The following DDX60 variants were observed in gnomAD, a reference collection of about 807,000 sequenced individuals.
DDX60 encodes DExD/H-box helicase 60.
A neutral mutation model predicts 212.8 loss-of-function variants in DDX60; 165 were observed. The ratio of observed to expected loss-of-function variants is 0.78; its 90% confidence interval spans 0.68 to 0.88. The LOEUF (loss-of-function observed/expected upper bound fraction) is 0.88. Among genes scored for constraint, DDX60 ranks in the 40% least tolerant of loss-of-function variants. DDX60 has a pLI of 0.00. For missense variants in DDX60, 1,905 were observed against 2,003.9 expected (o/e 0.95, Z 0.94); for synonymous variants, 703 against 685.3 (o/e 1.03, Z -0.40).
chr4:168,297,360 AAG>A (rs775019522), intron 6 of DDX60, among the ~76,000 whole-genome samples: 3 of 69,086 alleles, frequency 4.3e-5, no homozygotes, highest in African/African-American at 1.9e-4. Context: ...GAAAGAAAGA[AAG>A]AAAGAAAGAA....
intron 34 of DDX60, 141 bp from the exon 35 acceptor site, chr4:168,224,526 G>T: frequency 2.6e-6 from 2 of 757,900 alleles, no homozygotes; most frequent in Non-Finnish European, 2.1e-6. Flanking sequence ...AAGTTATATC[G>T]CATAAGGTTA....
At chr4:168,292,049 C>CTTTTTT in intron 7 of DDX60, 143 bp from the exon 8 acceptor site, 1 of 302,358 alleles carries the variant, frequency 3.3e-6, no homozygotes, top group Non-Finnish European at 5.6e-6. Context: ...TTCTTTCTTT[C>CTTTTTT]TTTTTTTTTT....
rs1404485495 is a variant in DDX60 at position 168,216,673 on chromosome 4, C to T, written c.*260G>A. ...ATTTTTTTAGTCAATCCTCAAACTA[C>T]CTGAGATGTAACCATTATTACTCAG... On this transcript the variant is annotated 3_prime_UTR_variant, in exon 38 of 38. Transcript: ENST00000393743. The T allele has an allele frequency of 7.5e-6, 2 of 268,442 alleles. No individual in the cohort carries two copies. Among genetic ancestry groups the T allele is most frequent in the Non-Finnish European group, 1.4e-5 (2 of 144,790 alleles). The allele number at this position is 268,442 out of a possible 1,614,324, so 16.6% of individuals were successfully genotyped here. A position where few individuals can be genotyped will look rare whatever the true frequency, so the allele number is the denominator to read the frequency against.
At position 168,280,485 on chromosome 4, in the gene DDX60, C is replaced by T; in HGVS notation, c.1828G>A (p.Glu610Lys). The change falls in exon 14 of 38, where the codon GAG becomes AAG. Residue 610 changes from glutamate to lysine, a missense_variant. Coordinates refer to ENST00000393743, the MANE Select transcript of DDX60 (RefSeq NM_017631.6). ...GAGTGTAAATTTTCTTTCAATTGCT[C>T]TTCAATAGAAAATGACAAAGCATTC... ...KWNALSFSIE[E>K]QLKENLHSGI... 6.2e-7 allele frequency: 1 copy of T among 1,614,124 alleles called. No homozygotes were observed. The highest frequency in any genetic ancestry group is 1.1e-5 in the South Asian group (1 of 91,082).
chr4:168,304,631 G>A (rs544732290), intron 5 of DDX60, among the ~76,000 whole-genome samples: 199 of 152,216 alleles, frequency 1.3e-3, no homozygotes, highest in Non-Finnish European at 2.5e-3. Flanking sequence ...AGCCCGAGAC[G>A]TGGAAGCTGC....
At chr4:168,242,274 C>T (rs953558240) in intron 30 of DDX60, among the ~76,000 whole-genome samples, 1 of 152,194 alleles carries the variant, frequency 6.6e-6, no homozygotes, top group African/African-American at 2.4e-5. Flanking sequence ...AGAGTCCCTC[C>T]TGGGGCACTG....
At chr4:168,268,357 T>A (rs1734940892) in intron 20 of DDX60, among the ~76,000 whole-genome samples, 1 of 152,174 alleles carries the variant, frequency 6.6e-6, no homozygotes, top group South Asian at 2.1e-4. Flanking sequence ...TATTATAGGA[T>A]TGTTATTAGT....
chr4:168,238,235 C>CA (rs1560819130), intron 30 of DDX60, among the ~76,000 whole-genome samples: 207 of 56,390 alleles, frequency 3.7e-3, no homozygotes, highest in African/African-American at 0.015. Context: ...CTATGAAATT[C>CA]CAAAAAAAAA....
chr4:168,315,266 G>C (rs1737314266), intron 1 of DDX60, among the ~76,000 whole-genome samples: 1 of 152,058 alleles, frequency 6.6e-6, no homozygotes, highest in Non-Finnish European at 1.5e-5. Flanking sequence ...CAACATTCCT[G>C]GATGTTTTGA....
chr4:168,242,634 C>T (rs1157639911), intron 30 of DDX60, among the ~76,000 whole-genome samples: 1 of 152,194 alleles, frequency 6.6e-6, no homozygotes. Context: ...TACCCAATGC[C>T]TGTACCCCCA....
intron 8 of DDX60, among the ~76,000 whole-genome samples, chr4:168,289,256 T>C (rs1204178203): frequency 6.6e-6 from 1 of 152,214 alleles, no homozygotes; most frequent in Non-Finnish European, 1.5e-5. Context: ...TTAAAACCAA[T>C]GTATTTTCAG....
chr4:168,297,351 A>G, intron 6 of DDX60, among the ~76,000 whole-genome samples: 1 of 85,724 alleles, frequency 1.2e-5, no homozygotes, highest in African/African-American at 8.2e-5. Flanking sequence ...AGAAAGAAAG[A>G]AAGAAAGAAA....
At chr4:168,239,982 A>C (rs780948788) in intron 30 of DDX60, among the ~76,000 whole-genome samples, 13 of 152,174 alleles carry the variant, frequency 8.5e-5, no homozygotes, top group Non-Finnish European at 1.8e-4. Context: ...CAGGGCAATC[A>C]GGCAAGAAAA....
At chr4:168,292,276 C>T (rs1036120123) in intron 7 of DDX60, among the ~76,000 whole-genome samples, 10 of 151,916 alleles carry the variant, frequency 6.6e-5, no homozygotes, top group African/African-American at 1.9e-4. Context: ...AACTCCTGAC[C>T]TCAGGTAACC....
chr4:168,236,397 T>G, intron 32 of DDX60, 24 bp from the exon 33 acceptor site: 1 of 1,566,944 alleles, frequency 6.4e-7, no homozygotes, highest in Non-Finnish European at 8.6e-7. Flanking sequence ...AGTGTCTTCT[T>G]GTAAATATGA....
At chr4:168,225,311 T>C (rs1733212744) in intron 34 of DDX60, among the ~76,000 whole-genome samples, 1 of 152,096 alleles carries the variant, frequency 6.6e-6, no homozygotes, top group Non-Finnish European at 1.5e-5. Flanking sequence ...TGAAGCAGCA[T>C]TTAACAAGAT....
At position 168,225,776 on chromosome 4, in the gene DDX60, A is replaced by G. The variant is rs574489467; in HGVS notation, c.4534-100T>C. On this transcript the variant is annotated intron_variant, in intron 33 of 37. Coordinates refer to ENST00000393743, the MANE Select transcript of DDX60 (RefSeq NM_017631.6). ...GTAAAGAACATTGCAATATAATTCT[A>G]TAGTTATCTATTAATATTTATTCAA... The G allele has an allele frequency of 4.8e-6, 5 of 1,032,148 alleles. No homozygotes were observed. In the Admixed American group the frequency reaches 1.2e-4, roughly 25 times the overall value. 63.9% of individuals were successfully genotyped at this position (1,032,148 alleles called of 1,614,324 possible).
rs768206791 is a variant in DDX60 at position 168,236,270 on chromosome 4, G to A, written c.4515C>T (p.Phe1505=). 26 of 1,610,232 alleles carry A rather than the reference G, an allele frequency of 1.6e-5. No homozygotes were observed. In the South Asian group the frequency reaches 1.7e-4, roughly 10 times the overall value. ...AGTTTACCTTTGATTGATAAAACTC[G>A]AAGTGTGCATCTTGGAACTTTGGTG... The part of the protein sequence containing the change: ...YFPPKFQDAH[F]EFYQSKVFLD... The change falls in exon 33 of 38, where the codon TTC becomes TTT. Residue 1505 remains phenylalanine (F), a synonymous_variant. Coordinates refer to ENST00000393743, the MANE Select transcript of DDX60 (RefSeq NM_017631.6).
chr4:168,250,243 G>T (rs1288282633), intron 28 of DDX60, among the ~76,000 whole-genome samples: 1 of 152,018 alleles, frequency 6.6e-6, no homozygotes, highest in Non-Finnish European at 1.5e-5. Flanking sequence ...TTATTCTCAT[G>T]AAAAAGAGAT....
Sources: gnomAD v4.1 joint callset for allele counts (sites outside exome capture counted in the v4.1 genomes callset) on GRCh38, gnomAD v4.1.1 for gene constraint, MANE v1.5 for transcripts, NCBI Gene and HGNC (gene_info 2026-07-23, HGNC 2026-07-21) for gene names.